FAM227B: variants seen among roughly 807,000 people sequenced by gnomAD.
The protein encoded by FAM227B is family with sequence similarity 227 member B.
A neutral mutation model predicts 73.8 loss-of-function variants in FAM227B; 88 were observed. That is an observed-to-expected ratio of 1.19 (90% CI 1.00 to 1.42). The LOEUF is 1.42. Among genes scored for constraint, FAM227B ranks in the 40% most tolerant of loss-of-function variants. The pLI, the probability that FAM227B is intolerant of heterozygous loss-of-function variation, is 0.00. For synonymous variants in FAM227B, 210 were observed against 190.5 expected (o/e 1.10, Z -0.84); for missense variants, 632 against 590.9 (o/e 1.07, Z -0.72).
At chr15:49,414,625 T>C (rs1174565006) in intron 11 of FAM227B, among the ~76,000 whole-genome samples, 1 of 152,068 alleles carries the variant, frequency 6.6e-6, no homozygotes, top group Non-Finnish European at 1.5e-5. Flanking sequence ...TAACAACATT[T>C]AAAATGGATT....
At chr15:49,355,949 GA>G (rs1219273837) in intron 13 of FAM227B, among the ~76,000 whole-genome samples, 4 of 151,322 alleles carry the variant, frequency 2.6e-5, no homozygotes, top group Admixed American at 6.6e-5. Flanking sequence ...CATTCTTAAA[GA>G]AAAGAATTTT....
rs2037770929 is a variant in FAM227B at position 49,327,722 on chromosome 15, T to TA, written c.*845dup. ...TGAAATGGGAGGAGTACTGTTGACT[T>TA]ACCACTTGGAGTCAAAACCAGGGAC... is the stretch of plus-strand genomic sequence containing the variant. On this transcript the variant is annotated 3_prime_UTR_variant, in exon 16 of 16. Coordinates refer to ENST00000299338, the MANE Select transcript of FAM227B (RefSeq NM_152647.3). The TA allele has an allele frequency of 2.5e-6, 1 of 396,894 alleles. No homozygotes were observed. The highest frequency in any genetic ancestry group is 4.0e-5 in the East Asian group (1 of 25,000). 24.6% of individuals were successfully genotyped at this position (396,894 alleles called of 1,614,324 possible).
intron 8 of FAM227B, among the ~76,000 whole-genome samples, chr15:49,571,139 G>A (rs1004353990): frequency 1.3e-5 from 2 of 151,266 alleles, no homozygotes; most frequent in African/African-American, 4.8e-5. Flanking sequence ...CAGTTTTTTT[G>A]TGGAAACTTC....
chr15:49,472,115 G>GA (rs576325470), intron 11 of FAM227B, among the ~76,000 whole-genome samples: 236 of 151,974 alleles, frequency 1.6e-3, no homozygotes, highest in African/African-American at 5.4e-3. Context: ...TAGAATAACT[G>GA]AAAAAATAGG....
rs557499231 is a variant in FAM227B at position 49,593,232 on chromosome 15, C to G, written c.106-3225G>C. Among the ~76,000 whole-genome samples the G allele has an allele frequency of 4.3e-3, 660 of 152,238 alleles. 10 individuals are homozygous for G. Among genetic ancestry groups the G allele is most frequent in the African/African-American group, 0.015 (634 of 41,556 alleles). ...TCCCAATGAGATGAAGCAGGTACCT[C>G]AGTCGGAAATGCAGAAATCACCCGT... On this transcript the variant is annotated intron_variant, in intron 3 of 15. Coordinates refer to ENST00000299338, the MANE Select transcript of FAM227B (RefSeq NM_152647.3).
At chr15:49,361,242 A>G (rs539081921) in intron 13 of FAM227B, among the ~76,000 whole-genome samples, 4 of 151,826 alleles carry the variant, frequency 2.6e-5, no homozygotes, top group African/African-American at 9.7e-5. Flanking sequence ...TATGATGCAA[A>G]TTTTTTTTTA....
At chr15:49,577,781 C>A in intron 5 of FAM227B, 117 bp from the exon 6 acceptor site, 1 of 535,020 alleles carries the variant, frequency 1.9e-6, no homozygotes, top group Non-Finnish European at 3.3e-6. Flanking sequence ...TATATATATC[C>A]TACAGAGGCC....
chr15:49,442,552 T>G (rs1409200803), intron 11 of FAM227B, among the ~76,000 whole-genome samples: 1 of 151,734 alleles, frequency 6.6e-6, no homozygotes, highest in Non-Finnish European at 1.5e-5. Flanking sequence ...TCTTTTCCAA[T>G]TCCCTTGTCA....
intron 13 of FAM227B, among the ~76,000 whole-genome samples, chr15:49,359,789 T>A (rs139498456): frequency 8.6e-6 from 1 of 116,112 alleles, no homozygotes; most frequent in African/African-American, 3.3e-5. Flanking sequence ...CACATGCACA[T>A]GTATGTTTAT....
intron 13 of FAM227B, among the ~76,000 whole-genome samples, chr15:49,339,055 G>A (rs1223885190): frequency 6.6e-6 from 1 of 152,064 alleles, no homozygotes; most frequent in African/African-American, 2.4e-5. Context: ...TTCTTAGCTT[G>A]CTTGCATTGG....
intron 14 of FAM227B, among the ~76,000 whole-genome samples, chr15:49,333,348 C>G (rs539692209): frequency 6.6e-6 from 1 of 152,114 alleles, no homozygotes; most frequent in East Asian, 1.9e-4. Context: ...TTAACAAGCA[C>G]GTGAGATTTA....
At chr15:49,361,454 T>G (rs2044224662) in intron 13 of FAM227B, among the ~76,000 whole-genome samples, 1 of 152,156 alleles carries the variant, frequency 6.6e-6, no homozygotes, top group South Asian at 2.1e-4. Context: ...TGTGTCCACA[T>G]GTACTCAATG....
intron 11 of FAM227B, among the ~76,000 whole-genome samples, chr15:49,452,264 G>A (rs2052825754): frequency 2.6e-5 from 4 of 152,056 alleles, no homozygotes; most frequent in African/African-American, 9.7e-5. Flanking sequence ...TGTTGGCCAG[G>A]ATGGTCTCGA....
intron 13 of FAM227B, among the ~76,000 whole-genome samples, chr15:49,343,025 C>T (rs1160371488): frequency 6.6e-6 from 1 of 152,094 alleles, no homozygotes; most frequent in Non-Finnish European, 1.5e-5. Flanking sequence ...TAGTATCTCA[C>T]AGGTGTTCTC....
At chr15:49,334,225 G>T (rs996870775) in intron 14 of FAM227B, 11 of 981,202 alleles carry the variant, frequency 1.1e-5, no homozygotes, top group Non-Finnish European at 1.2e-5. Flanking sequence ...AACCTATCAA[G>T]CTCCTTGTCA....
intron 2 of FAM227B, among the ~76,000 whole-genome samples, chr15:49,614,252 C>A (rs1029027452): frequency 2.6e-5 from 4 of 151,988 alleles, no homozygotes. Flanking sequence ...CAGATTTCTA[C>A]TTTTGGTAGG....
intron 11 of FAM227B, among the ~76,000 whole-genome samples, chr15:49,468,271 C>G (rs1186840670): frequency 6.6e-6 from 1 of 152,036 alleles, no homozygotes; most frequent in Non-Finnish European, 1.5e-5. Context: ...GGAATCAGTT[C>G]TCTTGTTGCA....
chr15:49,449,358 A>G (rs1331238854), intron 11 of FAM227B, among the ~76,000 whole-genome samples: 3 of 152,178 alleles, frequency 2.0e-5, no homozygotes, highest in Middle Eastern at 3.4e-3. Flanking sequence ...TAGGACAGTG[A>G]TTTTAGTATA....
At chr15:49,354,241 A>G (rs557077095) in intron 13 of FAM227B, among the ~76,000 whole-genome samples, 1 of 152,260 alleles carries the variant, frequency 6.6e-6, no homozygotes, top group East Asian at 1.9e-4. Context: ...TATGGGGAGG[A>G]GCCAAGATGG....
Sources: allele counts gnomAD v4.1 joint callset (sites outside exome capture counted in the v4.1 genomes callset), GRCh38; gene constraint gnomAD v4.1.1; transcripts MANE v1.5; gene names NCBI Gene and HGNC (gene_info 2026-07-23, HGNC 2026-07-21).